The following ATP2B2 variants were observed in gnomAD, a reference collection of about 807,000 sequenced individuals.
ATP2B2 encodes ATPase plasma membrane Ca2+ transporting 2.
A neutral mutation model predicts 120.0 loss-of-function variants in ATP2B2; 15 were observed. That is an observed-to-expected ratio of 0.12 (90% CI 0.08 to 0.19). The LOEUF is 0.19. Among genes scored for constraint, ATP2B2 ranks in the 10% least tolerant of loss-of-function variants. The probability of loss-of-function intolerance (pLI) is 1.00; values close to 1 mark genes in which losing one functional copy is unlikely to be tolerated. For missense variants in ATP2B2, 1,045 were observed against 1,719.8 expected, an observed-to-expected ratio of 0.61 and a Z score of 6.94; for synonymous variants, 694 against 700.3, an observed-to-expected ratio of 0.99 and a Z score of 0.14.
intron 2 of ATP2B2, among the ~76,000 whole-genome samples, chr3:10,418,982 G>C (rs896053565): frequency 1.3e-5 from 2 of 152,256 alleles, no homozygotes; most frequent in African/African-American, 4.8e-5. Flanking sequence ...GTGTGTGACA[G>C]CAGCAGGCTA....
chr3:10,368,933 C>T (rs952071385), intron 12 of ATP2B2, among the ~76,000 whole-genome samples: 1 of 152,218 alleles, frequency 6.6e-6, no homozygotes, highest in Non-Finnish European at 1.5e-5. Context: ...CAGCACTTCC[C>T]AAAAGTCTAT....
intron 3 of ATP2B2, among the ~76,000 whole-genome samples, chr3:10,527,691 G>A (rs746463282): frequency 6.6e-6 from 1 of 152,212 alleles, no homozygotes; most frequent in Non-Finnish European, 1.5e-5. Context: ...GGCTTCTGAG[G>A]AGACCAACCA....
chr3:10,461,088 G>C (rs989832802), intron 1 of ATP2B2, among the ~76,000 whole-genome samples: 2 of 152,208 alleles, frequency 1.3e-5, no homozygotes, highest in African/African-American at 4.8e-5. Flanking sequence ...TGAGAAAGAG[G>C]CATTAAAACA....
chr3:10,345,191 C>T (rs529743002), intron 18 of ATP2B2, among the ~76,000 whole-genome samples, 193 bp downstream of exon 18: 8 of 152,298 alleles, frequency 5.3e-5, no homozygotes, highest in East Asian at 1.9e-4. Context: ...CTCATGTCCT[C>T]GACTCCCCTG....
intron 2 of ATP2B2, among the ~76,000 whole-genome samples, chr3:10,582,120 A>G (rs1227813447): frequency 6.6e-6 from 1 of 152,204 alleles, no homozygotes; most frequent in Admixed American, 6.5e-5. Context: ...AACATTTAAA[A>G]ATACCTTCCC....
intron 3 of ATP2B2, among the ~76,000 whole-genome samples, chr3:10,532,020 G>A (rs1208797226): frequency 2.7e-5 from 4 of 149,628 alleles, no homozygotes; most frequent in Admixed American, 2.0e-4. Flanking sequence ...CTAGAACTGT[G>A]ATCTGGCCCT....
At chr3:10,681,299 G>A (rs2071376789) in intron 1 of ATP2B2, among the ~76,000 whole-genome samples, 1 of 152,194 alleles carries the variant, frequency 6.6e-6, no homozygotes, top group Non-Finnish European at 1.5e-5. Flanking sequence ...CACGCTTGGG[G>A]GTGGTGGAGG....
intron 2 of ATP2B2, among the ~76,000 whole-genome samples, chr3:10,422,447 G>A (rs973794914): frequency 5.8e-4 from 89 of 152,178 alleles, no homozygotes; most frequent in African/African-American, 2.1e-3. Flanking sequence ...CGGTGTTGAC[G>A]GTTCCTGATG....
intron 1 of ATP2B2, among the ~76,000 whole-genome samples, chr3:10,479,878 C>T (rs560492307): frequency 6.6e-6 from 1 of 152,114 alleles, no homozygotes; most frequent in African/African-American, 2.4e-5. Flanking sequence ...ATTGCTTGAG[C>T]CCAGGAATTT....
chr3:10,603,469 C>T (rs964184291), intron 2 of ATP2B2, among the ~76,000 whole-genome samples: 5 of 152,218 alleles, frequency 3.3e-5, no homozygotes, highest in African/African-American at 1.2e-4. Flanking sequence ...TGTTGGAATG[C>T]AAATGCTGCT....
At chr3:10,625,075 C>G (rs762451651) in intron 1 of ATP2B2, among the ~76,000 whole-genome samples, 6 of 152,148 alleles carry the variant, frequency 3.9e-5, no homozygotes, top group Non-Finnish European at 8.8e-5. Context: ...GTAAATAATA[C>G]CATTGATGTC....
intron 2 of ATP2B2, among the ~76,000 whole-genome samples, chr3:10,564,674 C>T (rs557062232): frequency 1.3e-5 from 2 of 152,312 alleles, no homozygotes; most frequent in South Asian, 4.1e-4. Context: ...CCTTGCTACT[C>T]CTTTATGTGC....
At chr3:10,409,502 A>C (rs2125011886) in intron 3 of ATP2B2, among the ~76,000 whole-genome samples, 1 of 152,330 alleles carries the variant, frequency 6.6e-6, no homozygotes, top group East Asian at 1.9e-4. Flanking sequence ...TCATGGCAGC[A>C]ATTACAGCTG....
At chr3:10,463,580 G>A (rs1018214728) in intron 1 of ATP2B2, among the ~76,000 whole-genome samples, 11 of 152,236 alleles carry the variant, frequency 7.2e-5, no homozygotes, top group African/African-American at 2.4e-4. Context: ...GAGATTGCGC[G>A]GGGTCACGTA....
At chr3:10,589,857 T>A (rs1435509776) in intron 2 of ATP2B2, among the ~76,000 whole-genome samples, 6 of 152,200 alleles carry the variant, frequency 3.9e-5, no homozygotes, top group Non-Finnish European at 8.8e-5. Context: ...CAATGCCTAC[T>A]CTGAAAAAGA....
chr3:10,660,687 T>C (rs1176647847), intron 1 of ATP2B2, among the ~76,000 whole-genome samples: 1 of 152,152 alleles, frequency 6.6e-6, no homozygotes, highest in Non-Finnish European at 1.5e-5. Context: ...GAGCTGGTAC[T>C]ATTCCTTCTG....
At chr3:10,576,217 G>A (rs550600670) in intron 2 of ATP2B2, among the ~76,000 whole-genome samples, 1 of 152,170 alleles carries the variant, frequency 6.6e-6, no homozygotes, top group East Asian at 1.9e-4. Flanking sequence ...CCAGAAAAAG[G>A]GCAGGGCCGA....
At chr3:10,617,182 A>C (rs1286164316) in intron 2 of ATP2B2, among the ~76,000 whole-genome samples, 1 of 152,192 alleles carries the variant, frequency 6.6e-6, no homozygotes, top group Non-Finnish European at 1.5e-5. Context: ...ATTTTGGGTT[A>C]TTTCCTCAGG....
intron 1 of ATP2B2, among the ~76,000 whole-genome samples, chr3:10,484,167 G>A (rs1364770466): frequency 2.0e-5 from 3 of 152,196 alleles, no homozygotes; most frequent in African/African-American, 7.2e-5. Context: ...CAAGGTCCCT[G>A]GGGATGAGTC....
Sources: gnomAD v4.1 joint callset for allele counts (sites outside exome capture counted in the v4.1 genomes callset) on GRCh38, gnomAD v4.1.1 for gene constraint, MANE v1.5 for transcripts, NCBI Gene and HGNC (gene_info 2026-07-23, HGNC 2026-07-21) for gene names.